SYTL4: variants seen among roughly 807,000 people sequenced by gnomAD.
The protein encoded by SYTL4 is synaptotagmin like 4.
Under a neutral mutation model 52.7 loss-of-function variants are expected in SYTL4, and 16 were observed. The ratio of observed to expected loss-of-function variants is 0.30; its 90% CI spans 0.21 to 0.46. SYTL4 has a LOEUF of 0.46. Among genes scored for constraint, SYTL4 ranks in the 20% least tolerant of loss-of-function variants. SYTL4 has a pLI of 1.00. For synonymous variants in SYTL4, 160 were observed against 186.6 expected, an observed-to-expected ratio of 0.86 and a Z score of 1.16; for missense variants, 423 against 519.9, an observed-to-expected ratio of 0.81 and a Z score of 1.81.
At position 100,688,380 on chromosome X, in the gene SYTL4, T is replaced by C; in HGVS notation, c.976A>G (p.Arg326Gly). Residue 326 changes from arginine to glycine, a missense_variant, in exon 13 of 20, where the codon AGA (arginine) becomes GGA (glycine). By Grantham distance (125) the Arg-to-Gly change is moderately radical (BLOSUM62 -2). Coordinates refer to ENST00000372989, the MANE Select transcript of SYTL4 (RefSeq NM_001370165.1). Reference sequence around the variant, plus strand: ...GAGGAGCCACTTTGCATGCTGCTTCTGGCTAGCTTCTGGCGATGTAACTTC... The same window carrying C: ...GAGGAGCCACTTTGCATGCTGCTTCCGGCTAGCTTCTGGCGATGTAACTTC... ...LVKLHRQKLA[R>G]SSMQSGSSMS... 8.3e-7 allele frequency: 1 copy of C among 1,211,238 alleles called. No homozygotes were observed. Among genetic ancestry groups the C allele is most frequent in the South Asian group, 1.8e-5 (1 of 56,938 alleles).
intron 8 of SYTL4, among the ~76,000 whole-genome samples, chrX:100,696,250 T>A (rs1297771787): frequency 1.8e-5 from 2 of 112,330 alleles, no homozygotes; most frequent in African/African-American, 3.2e-5. Flanking sequence ...ATGAACTTTT[T>A]AAAATACTGC....
chrX:100,705,390 C>T (rs1329035149), intron 2 of SYTL4, among the ~76,000 whole-genome samples: 1 of 111,648 alleles, frequency 9.0e-6, no homozygotes, highest in African/African-American at 3.3e-5. Context: ...GGATTCAAGC[C>T]CAGGCAATCT....
intron 8 of SYTL4, among the ~76,000 whole-genome samples, chrX:100,695,078 A>G (rs1241490970): frequency 1.1e-5 from 1 of 87,409 alleles, no homozygotes; most frequent in Admixed American, 1.7e-4. Flanking sequence ...AGGTAGTTTT[A>G]ACAATGGTCC....
At chrX:100,730,009 A>T (rs1416093868) in intron 2 of SYTL4, among the ~76,000 whole-genome samples, 1 of 111,009 alleles carries the variant, frequency 9.0e-6, no homozygotes, top group African/African-American at 3.3e-5. Context: ...GCACACGATC[A>T]CCCTCAGGCT....
In SYTL4 at chrX:100,686,154, G is replaced by A; in HGVS notation, c.1288-3C>T. 1 of 1,200,099 alleles carries A rather than the reference G, an allele frequency of 8.3e-7. No individual in the cohort carries two copies. Among genetic ancestry groups the A allele is most frequent in the Non-Finnish European group, 1.1e-6 (1 of 890,119 alleles). On this transcript the variant is annotated splice_polypyrimidine_tract_variant and splice_region_variant and intron_variant, in intron 15 of 19. Coordinates refer to ENST00000372989, the MANE Select transcript of SYTL4 (RefSeq NM_001370165.1). ...AGGAGAGATTCTGGGATCTCATACT[G>A]TGAAGGGAAAGTAAAAGCCCAAGAT...
intron 8 of SYTL4, among the ~76,000 whole-genome samples, chrX:100,694,703 T>C (rs920360397): frequency 3.6e-5 from 4 of 111,808 alleles, no homozygotes; most frequent in Non-Finnish European, 5.6e-5. Flanking sequence ...CACCAGTGTA[T>C]CTCAGGGTCT....
intron 9 of SYTL4, 104 bp from the exon 10 acceptor site, chrX:100,690,742 T>A: frequency 1.7e-6 from 1 of 577,043 alleles, no homozygotes; most frequent in Non-Finnish European, 2.7e-6. Flanking sequence ...TGGGTCATCG[T>A]AATAACCAAA....
At chrX:100,696,258 T>C (rs2083704237) in intron 8 of SYTL4, among the ~76,000 whole-genome samples, 1 of 112,354 alleles carries the variant, frequency 8.9e-6, no homozygotes, top group African/African-American at 3.2e-5. Context: ...TTTAAAATAC[T>C]GCTAAACTGC....
At position 100,701,654 on chromosome X, in the gene SYTL4, G is replaced by A; in HGVS notation, c.130C>T (p.Leu44=). Residue 44 remains leucine, a synonymous_variant, in exon 6 of 20, where the codon CTG becomes TTG. Coordinates refer to ENST00000372989, the MANE Select transcript of SYTL4 (RefSeq NM_001370165.1). ...TTGGCCCCTTTCCTTTTTATCTCCA[G>A]TAACTCATTCTTTAGTCGCCTGCCA... ...KRIRRLKNEL[L]EIKRKGAKRG... 1 of 1,211,374 alleles carries A rather than the reference G, an allele frequency of 8.3e-7. No individual in the cohort carries two copies. Among genetic ancestry groups the A allele is most frequent in the Non-Finnish European group, 1.1e-6 (1 of 895,320 alleles).
At chrX:100,707,387 T>C (rs1321025961) in intron 2 of SYTL4, among the ~76,000 whole-genome samples, 2 of 111,621 alleles carry the variant, frequency 1.8e-5, no homozygotes, top group Non-Finnish European at 3.8e-5. Context: ...GAGATCATAA[T>C]GGTACTAAAT....
chrX:100,697,210 C>G (rs2083723899), intron 8 of SYTL4, among the ~76,000 whole-genome samples: 1 of 111,896 alleles, frequency 8.9e-6, no homozygotes, highest in Non-Finnish European at 1.9e-5. Context: ...AGATCTGGGA[C>G]AGGTAAGCCC....
chrX:100,726,276 G>T (rs778662555), intron 2 of SYTL4, among the ~76,000 whole-genome samples: 1 of 110,991 alleles, frequency 9.0e-6, no homozygotes, highest in Non-Finnish European at 1.9e-5. Context: ...CAAAAATTGT[G>T]TCTATTTATG....
rs1168584633 is a variant in SYTL4, at chrX:100,675,136, T to TATCTC, written c.*887_*891dup. 1 of 112,188 alleles carries TATCTC rather than the reference T, an allele frequency of 8.9e-6. No homozygotes were observed. The highest frequency in any genetic ancestry group is 3.3e-5 in the African/African-American group (1 of 30,738). 9.2% of individuals were successfully genotyped at this position (112,188 alleles called of 1,213,427 possible). ...CAGATGTGGTACATGAGGATGAATATATCTCATCTTTCATTCGAGAAATGA... is the reference window on the plus strand; with the variant it reads ...CAGATGTGGTACATGAGGATGAATATATCTCATCTCATCTTTCATTCGAGAAATGA... On this transcript the variant is annotated 3_prime_UTR_variant, in exon 20 of 20. Transcript: ENST00000372989.
At chrX:100,718,647 A>G (rs2084275589) in intron 2 of SYTL4, among the ~76,000 whole-genome samples, 1 of 111,268 alleles carries the variant, frequency 9.0e-6, no homozygotes, top group African/African-American at 3.3e-5. Flanking sequence ...GCAAAGCTGT[A>G]TTTTTCCCTA....
intron 5 of SYTL4, 86 bp downstream of exon 5, chrX:100,701,842 A>G (rs1236217437): frequency 2.3e-6 from 2 of 867,677 alleles, no homozygotes; most frequent in Non-Finnish European, 3.3e-6. Flanking sequence ...ACAAATTCCT[A>G]TGAAAGTCAG....
At chrX:100,696,507 C>T (rs779752733) in intron 8 of SYTL4, among the ~76,000 whole-genome samples, 33 of 111,739 alleles carry the variant, frequency 3.0e-4, no homozygotes, top group African/African-American at 1.0e-3. Context: ...ATGTTGAGCA[C>T]CTTTTCATGT....
At chrX:100,722,646 G>T (rs1366491582) in intron 2 of SYTL4, among the ~76,000 whole-genome samples, 1 of 108,939 alleles carries the variant, frequency 9.2e-6, no homozygotes, top group African/African-American at 3.4e-5. Context: ...AGCCTTTAAA[G>T]GAACTCAAGT....
In SYTL4 at chrX:100,691,203, T is replaced by A. The variant is rs764019172; in HGVS notation, c.546A>T (p.Leu182=). 6 of 1,197,741 alleles carry A rather than the reference T, an allele frequency of 5.0e-6. No homozygotes were observed. The African/African-American group carries it at 8.8e-5, about 17-fold the overall frequency. The stretch of plus-strand genomic sequence containing the variant: ...CACTTTTCAGCTTTGGCACTTCAAA[T>A]AGCACACTAGAATAAAAACCAAGAG... The part of the protein sequence containing the change: ...IQERQKEPSV[L]FEVPKLKSGK... Residue 182 remains leucine (L), a synonymous_variant, in exon 9 of 20, where the codon CTA becomes CTT. Coordinates refer to ENST00000372989, the MANE Select transcript of SYTL4 (RefSeq NM_001370165.1).
chrX:100,726,995 A>G (rs2084532334), intron 2 of SYTL4, among the ~76,000 whole-genome samples: 1 of 110,216 alleles, frequency 9.1e-6, no homozygotes, highest in Non-Finnish European at 1.9e-5. Context: ...TATCTACCAT[A>G]TTTTTTATCA....
Sources: gnomAD v4.1 joint callset for allele counts (sites outside exome capture counted in the v4.1 genomes callset) on GRCh38, gnomAD v4.1.1 for gene constraint, MANE v1.5 for transcripts, NCBI Gene and HGNC (gene_info 2026-07-23, HGNC 2026-07-21) for gene names.